Variants in SLC35F1 observed in about 807,000 individuals in gnomAD.
The protein encoded by SLC35F1 is solute carrier family 35 member F1.
A neutral mutation model predicts 48.7 loss-of-function variants in SLC35F1; 14 were observed. The ratio of observed to expected loss-of-function variants is 0.29; its 90% CI spans 0.19 to 0.45. SLC35F1 has a LOEUF of 0.45. SLC35F1 is among the 20% of genes least tolerant of loss of function. The probability of loss-of-function intolerance (pLI) is 1.00; values close to 1 mark genes in which losing one functional copy is unlikely to be tolerated. For synonymous variants in SLC35F1, 190 were observed against 202.2 expected, an observed-to-expected ratio of 0.94 and a Z score of 0.51; for missense variants, 404 against 500.0, an observed-to-expected ratio of 0.81 and a Z score of 1.83.
At chr6:118,225,540 A>G (rs1775204233) in intron 2 of SLC35F1, among the ~76,000 whole-genome samples, 1 of 152,220 alleles carries the variant, frequency 6.6e-6, no homozygotes, top group African/African-American at 2.4e-5. Context: ...TGAAAGCACT[A>G]GAAGAAAACA....
At chr6:118,088,612 A>G (rs1773026432) in intron 1 of SLC35F1, among the ~76,000 whole-genome samples, 1 of 152,200 alleles carries the variant, frequency 6.6e-6, no homozygotes, top group Non-Finnish European at 1.5e-5. Context: ...CTTATATTCA[A>G]AATAAATAGG....
Position 118,134,380 on chromosome 6 carries a change from T to C in SLC35F1, c.174-20065T>C, listed in dbSNP as rs750779351. Among the ~76,000 whole-genome samples, 5 of 152,212 alleles carry C rather than the reference T, an allele frequency of 3.3e-5. No individual in the cohort carries two copies. In the South Asian group the frequency reaches 8.3e-4, roughly 25 times the overall value. On this transcript the variant is annotated intron_variant, in intron 1 of 7. Transcript: ENST00000360388. ...TTACTTTATCATCTGTCAAGTCCAG[T>C]TGGAAACAGGGAATTAGAAATGTTG...
intron 2 of SLC35F1, among the ~76,000 whole-genome samples, chr6:118,174,402 C>T (rs1774455704): frequency 6.6e-6 from 1 of 151,632 alleles, no homozygotes; most frequent in Non-Finnish European, 1.5e-5. Context: ...GGGAATGCTA[C>T]AAATAAAAAA....
chr6:118,268,598 ATATTTTTTT>A (rs1258558560), intron 4 of SLC35F1, among the ~76,000 whole-genome samples: 1 of 77,782 alleles, frequency 1.3e-5, no homozygotes. Context: ...ATATATATAT[ATATTTTTTT>A]TTTTTTTTTT....
chr6:118,043,063 G>T (rs1772250113), intron 1 of SLC35F1, among the ~76,000 whole-genome samples: 1 of 152,110 alleles, frequency 6.6e-6, no homozygotes, highest in African/African-American at 2.4e-5. Flanking sequence ...GTGCGGTTAG[G>T]ATTCTATTTA....
intron 1 of SLC35F1, among the ~76,000 whole-genome samples, chr6:117,932,339 A>G (rs1354431563): frequency 2.0e-5 from 3 of 152,214 alleles, no homozygotes; most frequent in Non-Finnish European, 2.9e-5. Flanking sequence ...TTTTTTGACC[A>G]TTATCTATAT....
intron 1 of SLC35F1, among the ~76,000 whole-genome samples, chr6:118,015,241 A>G (rs954539297): frequency 2.6e-5 from 4 of 152,134 alleles, no homozygotes; most frequent in Admixed American, 2.6e-4. Flanking sequence ...CAGCATGAAG[A>G]TGGACTAATA....
Position 118,293,293 on chromosome 6 carries a change from G to A in SLC35F1, c.1002+7955G>A, listed in dbSNP as rs1171998268. ...ATCAAGTATTAGCAGAGGTATGTTG[G>A]TTCTGGAGGCTCTAGGGGAGAATCC... On this transcript the variant is annotated intron_variant, in intron 7 of 7. Transcript: ENST00000360388. Among the ~76,000 whole-genome samples the A allele has an allele frequency of 2.0e-5, 3 of 152,100 alleles. No homozygotes were observed. The East Asian group carries it at 5.8e-4, about 29-fold the overall frequency.
chr6:118,307,802 A>G (rs1452008381), intron 7 of SLC35F1, among the ~76,000 whole-genome samples: 1 of 152,194 alleles, frequency 6.6e-6, no homozygotes, highest in Non-Finnish European at 1.5e-5. Context: ...TTTTCGTCCC[A>G]GGGTCTTACC....
At position 118,123,599 on chromosome 6, in the gene SLC35F1, A is replaced by G. The variant is rs532390041; in HGVS notation, c.174-30846A>G. Among the ~76,000 whole-genome samples the G allele has an allele frequency of 7.2e-5, 11 of 152,276 alleles. No homozygotes were observed. The East Asian group carries it at 1.9e-3, about 27-fold the overall frequency. On this transcript the variant is annotated intron_variant, in intron 1 of 7. Transcript: ENST00000360388. The stretch of plus-strand genomic sequence containing the variant: ...TTGGAAAATGCCAATTTTGGATGTG[A>G]TGCATCTCTGCAACCTTTGATCTTC...
intron 1 of SLC35F1, among the ~76,000 whole-genome samples, chr6:118,151,290 A>T (rs1300914870): frequency 6.6e-6 from 1 of 151,812 alleles, no homozygotes; most frequent in Non-Finnish European, 1.5e-5. Flanking sequence ...CATTTCCAGT[A>T]TTTTCACCAT....
intron 3 of SLC35F1, among the ~76,000 whole-genome samples, chr6:118,241,997 C>T (rs948139949): frequency 3.9e-5 from 6 of 152,064 alleles, no homozygotes; most frequent in African/African-American, 1.4e-4. Flanking sequence ...GTGTTGTGTC[C>T]ACCTTTAGGC....
At chr6:118,054,682 C>T (rs1301713220) in intron 1 of SLC35F1, among the ~76,000 whole-genome samples, 6 of 152,316 alleles carry the variant, frequency 3.9e-5, no homozygotes, top group Non-Finnish European at 7.3e-5. Context: ...CAGTTAGAAC[C>T]GATGGGTAGC....
At chr6:118,179,488 C>A (rs1774540311) in intron 2 of SLC35F1, among the ~76,000 whole-genome samples, 1 of 152,120 alleles carries the variant, frequency 6.6e-6, no homozygotes, top group Non-Finnish European at 1.5e-5. Flanking sequence ...GGAACACTTG[C>A]CCACATTGGT....
chr6:118,035,280 G>A (rs563269989), intron 1 of SLC35F1, among the ~76,000 whole-genome samples: 10 of 151,944 alleles, frequency 6.6e-5, no homozygotes, highest in African/African-American at 2.4e-4. Context: ...CAATGTACTC[G>A]GGGGTTTATG....
intron 2 of SLC35F1, among the ~76,000 whole-genome samples, chr6:118,174,126 C>T (rs76386458): frequency 0.013 from 1,991 of 152,232 alleles, 46 homozygotes; most frequent in African/African-American, 0.045. Context: ...TTGCTTAGTT[C>T]AGTCTCTACT....
At chr6:118,040,906 CAAAT>C (rs5879443) in intron 1 of SLC35F1, among the ~76,000 whole-genome samples, 43,187 of 151,568 alleles carry the variant, frequency 0.28, 6,862 homozygotes, top group South Asian at 0.45. Context: ...GGAACCCAAA[CAAAT>C]AAACATTTGT....
At chr6:118,047,425 T>C (rs898727164) in intron 1 of SLC35F1, among the ~76,000 whole-genome samples, 1 of 152,172 alleles carries the variant, frequency 6.6e-6, no homozygotes, top group African/African-American at 2.4e-5. Context: ...TCTAGGGTAT[T>C]AGGTTTCATT....
At chr6:118,272,767 A>ATATATATATATATATATATG (rs1289997076) in intron 4 of SLC35F1, among the ~76,000 whole-genome samples, 79 of 135,992 alleles carry the variant, frequency 5.8e-4, no homozygotes, top group African/African-American at 2.2e-3. Context: ...ATATATATGT[A>ATATATATATATATATATATG]TATATATATA....
Sources: allele counts gnomAD v4.1 joint callset (sites outside exome capture counted in the v4.1 genomes callset), GRCh38; gene constraint gnomAD v4.1.1; transcripts MANE v1.5; gene names NCBI Gene and HGNC (gene_info 2026-07-23, HGNC 2026-07-21).